Variants in OR51B5 observed in about 807,000 individuals in gnomAD.
OR51B5 encodes olfactory receptor family 51 subfamily B member 5.
For missense variants in OR51B5, 456 were observed against 374.6 expected (o/e 1.22, Z -1.79); for synonymous variants, 186 against 144.8 (o/e 1.28, Z -2.04).
chr11:5,448,542 T>A (rs976833246), intron 1 of OR51B5, among the ~76,000 whole-genome samples: 1 of 151,984 alleles, frequency 6.6e-6, no homozygotes, highest in African/African-American at 2.4e-5. Context: ...GTGGAAGGAG[T>A]TATAAGCAAC....
chr11:5,389,001 G>C (rs1849747193), intron 1 of OR51B5, among the ~76,000 whole-genome samples: 1 of 152,146 alleles, frequency 6.6e-6, no homozygotes, highest in East Asian at 1.9e-4. Context: ...AATCAAAAGA[G>C]AGAAAGACAA....
At chr11:5,437,129 C>A (rs556088082) in intron 1 of OR51B5, among the ~76,000 whole-genome samples, 1 of 152,082 alleles carries the variant, frequency 6.6e-6, no homozygotes, top group Non-Finnish European at 1.5e-5. Flanking sequence ...AGATACTGCC[C>A]TCTCTCCACT....
chr11:5,343,537 T>C (rs746334115), upstream of OR51B5: 33 of 776,430 alleles, frequency 4.3e-5, no homozygotes, highest in East Asian at 3.4e-4. Flanking sequence ...TGGGTTTATA[T>C]AGAAGAAATG....
At chr11:5,425,227 A>G (rs9666787) in intron 1 of OR51B5, among the ~76,000 whole-genome samples, 21,370 of 152,204 alleles carry the variant, frequency 0.14, 1,820 homozygotes, top group Non-Finnish European at 0.19. Flanking sequence ...AATATGGGTC[A>G]AAAGAAAATT....
At chr11:5,470,736 T>C (rs1320035141) in intron 1 of OR51B5, among the ~76,000 whole-genome samples, 4 of 152,178 alleles carry the variant, frequency 2.6e-5, no homozygotes, top group Non-Finnish European at 2.9e-5. Flanking sequence ...TCTCACCCTC[T>C]CCTATTTACA....
At chr11:5,375,342 A>G (rs1365260922) in intron 1 of OR51B5, among the ~76,000 whole-genome samples, 3 of 151,504 alleles carry the variant, frequency 2.0e-5, no homozygotes, top group Admixed American at 6.6e-5. Context: ...AGCACTAAAC[A>G]TGGAAAGGCA....
At chr11:5,492,068 G>C (rs1851589022) in intron 1 of OR51B5, among the ~76,000 whole-genome samples, 1 of 152,210 alleles carries the variant, frequency 6.6e-6, no homozygotes, top group East Asian at 1.9e-4. Flanking sequence ...CCCAAGTCTA[G>C]CTGTTTCAAT....
intron 1 of OR51B5, chr11:5,455,789 G>T (rs1850949451): frequency 6.6e-6 from 1 of 152,110 alleles, no homozygotes; most frequent in African/African-American, 2.4e-5. Flanking sequence ...TTAAAAATGA[G>T]ATAATGTAAG....
intron 1 of OR51B5, chr11:5,390,259 T>A: frequency 1.2e-6 from 2 of 1,614,018 alleles, no homozygotes; most frequent in Non-Finnish European, 1.7e-6. Context: ...TTCATCTTCT[T>A]ATGGCCAATG....
chr11:5,361,530 C>A (rs1589953819), intron 1 of OR51B5, among the ~76,000 whole-genome samples: 1 of 152,036 alleles, frequency 6.6e-6, no homozygotes. Flanking sequence ...TGTGTCTTGG[C>A]CTAGAGGCTC....
intron 1 of OR51B5, among the ~76,000 whole-genome samples, chr11:5,366,407 G>A (rs1350556802): frequency 6.6e-6 from 1 of 152,126 alleles, no homozygotes; most frequent in African/African-American, 2.4e-5. Context: ...AAGAGTTCGA[G>A]ACCAGCCTGA....
intron 1 of OR51B5, among the ~76,000 whole-genome samples, chr11:5,430,344 G>A (rs1403621328): frequency 6.6e-6 from 1 of 151,994 alleles, no homozygotes; most frequent in Non-Finnish European, 1.5e-5. Flanking sequence ...CTATTTGTCA[G>A]GCTTTTTTGC....
At chr11:5,399,922 C>T (rs6578635) in intron 1 of OR51B5, among the ~76,000 whole-genome samples, 146,496 of 152,214 alleles carry the variant, frequency 0.96, 70,892 homozygotes, top group African/African-American at 0.99. Context: ...AGGCAAGATA[C>T]AGGGTGCAGT....
At chr11:5,343,542 G>A, upstream of OR51B5, 2 of 749,614 alleles carry the variant, frequency 2.7e-6, no homozygotes, top group South Asian at 1.7e-5. Flanking sequence ...TTATATAGAA[G>A]AAATGTCTTT....
At chr11:5,381,172 T>TCA (rs763711428) in intron 1 of OR51B5, among the ~76,000 whole-genome samples, 8 of 101,958 alleles carry the variant, frequency 7.8e-5, no homozygotes, top group Admixed American at 2.1e-4. Flanking sequence ...TCTCTCTCTC[T>TCA]CTCACACACA....
chr11:5,492,101 A>G (rs1851589656), intron 1 of OR51B5, among the ~76,000 whole-genome samples: 1 of 152,070 alleles, frequency 6.6e-6, no homozygotes, highest in Admixed American at 6.6e-5. Flanking sequence ...AGACTCTCTT[A>G]ATTCAATTTT....
intron 1 of OR51B5, among the ~76,000 whole-genome samples, chr11:5,376,721 A>C (rs2133713157): frequency 6.6e-6 from 1 of 152,136 alleles, no homozygotes; most frequent in Non-Finnish European, 1.5e-5. Context: ...AGAAATGGAT[A>C]AATTCCTGGA....
chr11:5,441,495 G>T lies in OR51B5; in HGVS notation n.84+64074C>A, dbSNP rs78615247. 4,720 of 1,611,874 alleles carry T rather than the reference G, an allele frequency of 2.9e-3. 107 individuals carry two copies. The African/African-American group carries it at 0.051, about 17-fold the overall frequency. ...CTGGAGTGTTGCTGGCTGGAAGGGG[G>T]TGCCATTGAGACCCAGCATGGTGGG... On this transcript the variant is annotated intron_variant and non_coding_transcript_variant, in intron 1 of 4. Coordinates refer to the OR51B5 transcript ENST00000415970.
chr11:5,500,608 G>C (rs1846276690), intron 1 of OR51B5, among the ~76,000 whole-genome samples: 1 of 147,886 alleles, frequency 6.8e-6, no homozygotes, highest in Admixed American at 7.0e-5. Flanking sequence ...GCTTCGACGA[G>C]GACATCTTTC....
Sources: allele counts gnomAD v4.1 joint callset (sites outside exome capture counted in the v4.1 genomes callset), GRCh38; gene constraint gnomAD v4.1.1; transcripts MANE v1.5; gene names NCBI Gene and HGNC (gene_info 2026-07-23, HGNC 2026-07-21).